The following RC3H1 variants were observed in gnomAD, a reference collection of about 807,000 sequenced individuals.
RC3H1 encodes the protein ring finger and CCCH-type domains 1, also known as roquin-1.
A neutral mutation model predicts 138.2 loss-of-function variants in RC3H1; 50 were observed. The ratio of observed to expected loss-of-function variants is 0.36; its 90% CI spans 0.29 to 0.46. The LOEUF (loss-of-function observed/expected upper bound fraction) is 0.46. RC3H1 is among the 20% of genes least tolerant of loss of function. The pLI is 1.00. For missense variants in RC3H1, 1,031 were observed against 1,388.1 expected, an observed-to-expected ratio of 0.74 and a Z score of 4.09; for synonymous variants, 462 against 489.1, an observed-to-expected ratio of 0.94 and a Z score of 0.73.
chr1:173,963,271 C>T (rs1423250510), intron 11 of RC3H1, among the ~76,000 whole-genome samples: 1 of 119,166 alleles, frequency 8.4e-6, no homozygotes, highest in Non-Finnish European at 1.5e-5. Context: ...CCAATCCATT[C>T]ATAACTTTTT....
At chr1:173,985,779 C>G (rs1661002496) in intron 2 of RC3H1, among the ~76,000 whole-genome samples, 1 of 152,262 alleles carries the variant, frequency 6.6e-6, no homozygotes, top group South Asian at 2.1e-4. Flanking sequence ...ATCTCTTCTT[C>G]CCATCTACCT....
chr1:173,945,440 C>A (rs1659092606), intron 17 of RC3H1, among the ~76,000 whole-genome samples: 1 of 151,912 alleles, frequency 6.6e-6, no homozygotes, highest in South Asian at 2.1e-4. Context: ...TTTAAAAATT[C>A]TTTAGTTTTG....
At position 173,936,603 on chromosome 1, in the gene RC3H1, T is replaced by A. The variant is rs888437068; in HGVS notation, c.*2118A>T. Reference sequence around the variant, plus strand: ...GCAGAGAAATGAAAAATCTTGGGACTCTGTCAGACATACAAAAGTTTCTTT... The same window carrying A: ...GCAGAGAAATGAAAAATCTTGGGACACTGTCAGACATACAAAAGTTTCTTT... On this transcript the variant is annotated 3_prime_UTR_variant, in exon 20 of 20. Transcript: ENST00000367696. The A allele has an allele frequency of 6.8e-6, 1 of 147,780 alleles. No homozygotes were observed. The highest frequency in any genetic ancestry group is 1.5e-5 in the Non-Finnish European group (1 of 67,140). 9.2% of individuals were successfully genotyped at this position (147,780 alleles called of 1,614,324 possible).
chr1:173,969,913 T>C (rs1416234337), intron 9 of RC3H1, among the ~76,000 whole-genome samples: 3 of 151,978 alleles, frequency 2.0e-5, no homozygotes, highest in Admixed American at 2.0e-4. Flanking sequence ...ATTAAAATTA[T>C]TATAATTTTA....
Position 173,993,090 on chromosome 1 carries a change from TAAATA to T in RC3H1, c.-110_-106del. The T allele has an allele frequency of 1.3e-6, 1 of 789,910 alleles. No homozygotes were observed. The highest frequency in any genetic ancestry group is 2.0e-6 in the Non-Finnish European group (1 of 491,464). 48.9% of individuals were successfully genotyped at this position (789,910 alleles called of 1,614,324 possible). ...AAAAAAAGTTTATCTTTTTTTTTTT[TAAATA>T]TCTTCTGTAGATACAGTCAGCACAT... On this transcript the variant is annotated 5_prime_UTR_variant, in exon 2 of 20. Transcript: ENST00000367696.
intron 18 of RC3H1, among the ~76,000 whole-genome samples, chr1:173,942,364 C>T (rs1481091057): frequency 1.5e-5 from 2 of 131,480 alleles, no homozygotes; most frequent in African/African-American, 5.8e-5. Context: ...ACATGGGAGG[C>T]GGAGGTTGCA....
chr1:173,973,512 G>A (rs142693968), intron 7 of RC3H1, among the ~76,000 whole-genome samples: 67 of 148,002 alleles, frequency 4.5e-4, no homozygotes, highest in African/African-American at 1.4e-3. Flanking sequence ...CTCCATCCTG[G>A]TGACAGAGAG....
chr1:174,014,401 T>C (rs550111668), intron 1 of RC3H1, among the ~76,000 whole-genome samples: 13 of 152,256 alleles, frequency 8.5e-5, no homozygotes, highest in East Asian at 7.7e-4. Flanking sequence ...CAAATTTACA[T>C]AGCCACATAT....
intron 6 of RC3H1, among the ~76,000 whole-genome samples, chr1:173,978,924 C>T (rs1353975875): frequency 1.3e-5 from 2 of 152,114 alleles, no homozygotes; most frequent in African/African-American, 4.8e-5. Context: ...ATTGTTAATT[C>T]CTGTTTCTCT....
chr1:173,954,097 C>G (rs1659534351), intron 13 of RC3H1, among the ~76,000 whole-genome samples: 1 of 151,986 alleles, frequency 6.6e-6, no homozygotes, highest in African/African-American at 2.4e-5. Context: ...GGCATTCATT[C>G]AAAGGAAAAG....
chr1:173,989,649 T>C (rs1329165210), intron 2 of RC3H1, among the ~76,000 whole-genome samples: 1 of 151,954 alleles, frequency 6.6e-6, no homozygotes, highest in African/African-American at 2.4e-5. Flanking sequence ...AGTTTTGTAG[T>C]TTTAGTTCTT....
At position 173,947,439 on chromosome 1, in the gene RC3H1, T is replaced by G. The variant is rs138633966; in HGVS notation, c.2667A>C (p.Ile889=). The G allele has an allele frequency of 8.7e-6, 14 of 1,613,948 alleles. No individual in the cohort carries two copies. In the African/African-American group the frequency reaches 1.5e-4, roughly 17 times the overall value. The part of the protein sequence containing the change: ...FGAISRTSKT[I]YQGAGPMQAM... ...CCTGCATTGGACCAGCACCCTGATA[T>G]ATAGTTTTGGAAGTTCGTGAGATGG... Residue 889 remains isoleucine, a synonymous_variant, in exon 15 of 20, where the codon ATA becomes ATC. Transcript: ENST00000367696.
At position 174,022,063 on chromosome 1, in the gene RC3H1, C is replaced by G. The variant is rs1661977453; in HGVS notation, c.-151+33G>C. On this transcript the variant is annotated intron_variant, in intron 1 of 19. Transcript: ENST00000367696. The surrounding 1 kb of genome is among the most constrained non-coding windows in gnomAD (Gnocchi z 4.2). Reference sequence around the variant, plus strand: ...ACTGAGGCCCCGGCCGCGGCAGCCCCGCTCCCCAAGTCGCCGCCCGCCGCT... The same window carrying G: ...ACTGAGGCCCCGGCCGCGGCAGCCCGGCTCCCCAAGTCGCCGCCCGCCGCT... 1 of 395,908 alleles carries G rather than the reference C, an allele frequency of 2.5e-6. No homozygotes were observed. The highest frequency in any genetic ancestry group is 1.3e-4 in the South Asian group (1 of 7,896). The allele number at this position is 395,908 out of a possible 1,614,324, so 24.5% of individuals were successfully genotyped here. A position where few individuals can be genotyped will look rare whatever the true frequency, so the allele number is the denominator to read the frequency against.
rs148823379 is a variant in RC3H1 at position 173,967,126 on chromosome 1, C to T, written c.1335-2006G>A. The stretch of plus-strand genomic sequence containing the variant: ...TCACTTGAGCTCAGGTATTCAAGAA[C>T]AGCCTGGGAAACATGGGAAAACTGT... On this transcript the variant is annotated intron_variant, in intron 9 of 19. Transcript: ENST00000367696. Among the ~76,000 whole-genome samples, 131 of 152,108 alleles carry T rather than the reference C, an allele frequency of 8.6e-4. 1 individual carries two copies. In the East Asian group the frequency reaches 0.02, roughly 23 times the overall value.
At chr1:173,956,053 C>G (rs182427674) in intron 13 of RC3H1, among the ~76,000 whole-genome samples, 3 of 151,076 alleles carry the variant, frequency 2.0e-5, no homozygotes, top group Non-Finnish European at 2.9e-5. Context: ...ATCACTTGAA[C>G]CTGGGAGGTG....
chr1:173,944,540 C>T (rs1659050409), intron 17 of RC3H1, among the ~76,000 whole-genome samples: 1 of 152,114 alleles, frequency 6.6e-6, no homozygotes, highest in African/African-American at 2.4e-5. Context: ...GCACGTTGTG[C>T]ACATGTACCC....
intron 9 of RC3H1, among the ~76,000 whole-genome samples, chr1:173,965,813 A>G (rs1660091040): frequency 6.6e-6 from 1 of 152,134 alleles, no homozygotes; most frequent in Non-Finnish European, 1.5e-5. Flanking sequence ...CAAAGCCAGT[A>G]TGCACTGTGA....
rs748758519 is a variant in RC3H1 at position 173,952,190 on chromosome 1, A to C, written c.2371-52T>G. 1.0e-5 allele frequency: 14 copies of C among 1,406,464 alleles called. No individual in the cohort carries two copies. In the Admixed American group the frequency reaches 3.1e-4, roughly 31 times the overall value. 87.1% of individuals were successfully genotyped at this position (1,406,464 alleles called of 1,614,324 possible). On this transcript the variant is annotated intron_variant, in intron 13 of 19. Transcript: ENST00000367696. ...AAAAAAAAAAAAAGAGAAAGAAACA[A>C]AACAGGAAATGGGTCTATGAGTAAC...
At chr1:173,956,121 A>G (rs1286788238) in intron 13 of RC3H1, among the ~76,000 whole-genome samples, 1 of 138,440 alleles carries the variant, frequency 7.2e-6, no homozygotes, top group Non-Finnish European at 1.5e-5. Flanking sequence ...ACAGAGCAAG[A>G]GTCTGTCTCA....
Sources: gnomAD v4.1 joint callset for allele counts (sites outside exome capture counted in the v4.1 genomes callset) on GRCh38, gnomAD v4.1.1 for gene constraint, Gnocchi (gnomAD v3.1) non-coding constraint, MANE v1.5 for transcripts, NCBI Gene and HGNC (gene_info 2026-07-23, HGNC 2026-07-21) for gene names.